AGAP1: variants seen among roughly 807,000 people sequenced by gnomAD.
AGAP1 encodes the protein arf-GAP with GTPase, ANK repeat and PH domain-containing protein 1.
A neutral mutation model predicts 105.3 loss-of-function variants in AGAP1; 29 were observed. The observed-to-expected ratio is 0.28, with a 90% confidence interval of 0.21 to 0.38. The LOEUF is 0.38. Among genes scored for constraint, AGAP1 ranks in the 10% least tolerant of loss-of-function variants. The pLI, the probability that AGAP1 is intolerant of heterozygous loss-of-function variation, is 1.00. For synonymous variants in AGAP1, 509 were observed against 485.9 expected, an observed-to-expected ratio of 1.05 and a Z score of -0.63; for missense variants, 998 against 1,165.1, an observed-to-expected ratio of 0.86 and a Z score of 2.09.
At chr2:236,108,917 G>A (rs1392243768) in intron 16 of AGAP1, among the ~76,000 whole-genome samples, 1 of 152,164 alleles carries the variant, frequency 6.6e-6, no homozygotes, top group East Asian at 1.9e-4. Flanking sequence ...CAGAAGCTTT[G>A]TGGTTATTTG....
In AGAP1 at chr2:235,659,551, C is replaced by T. The variant is rs1193172403; in HGVS notation, c.164-49628C>T. On this transcript the variant is annotated intron_variant, in intron 1 of 17. Coordinates refer to ENST00000304032, the MANE Select transcript of AGAP1 (RefSeq NM_001037131.3). This position sits in a 1 kb window ranked among gnomAD's most constrained non-coding sequence, Gnocchi z 5.0. ...GGGTCACTTGCCAGGCGTCAGTGCC[C>T]TGCTCGGGGTCCCTTTGCAGCTCCC... Among the ~76,000 whole-genome samples the T allele has an allele frequency of 6.6e-6, 1 of 152,198 alleles. No homozygotes were observed. Among genetic ancestry groups the T allele is most frequent in the East Asian group, 1.9e-4 (1 of 5,178 alleles).
At chr2:235,785,690 G>A (rs74318582) in intron 6 of AGAP1, among the ~76,000 whole-genome samples, 3,151 of 152,046 alleles carry the variant, frequency 0.021, 104 homozygotes, top group African/African-American at 0.072. Context: ...GGAATAATTT[G>A]GCATAATCAG....
chr2:235,840,018 C>T (rs1235771144), intron 9 of AGAP1, among the ~76,000 whole-genome samples: 1 of 152,136 alleles, frequency 6.6e-6, no homozygotes, highest in Admixed American at 6.5e-5. Flanking sequence ...AATAATTTTC[C>T]ATCTAAGAGT....
Position 235,787,444 on chromosome 2 carries a change from G to T in AGAP1, c.674-10315G>T, listed in dbSNP as rs1455321430. Among the ~76,000 whole-genome samples, 1 of 152,104 alleles carries T rather than the reference G, an allele frequency of 6.6e-6. No individual in the cohort carries two copies. Among genetic ancestry groups the T allele is most frequent in the Non-Finnish European group, 1.5e-5 (1 of 68,034 alleles). On this transcript the variant is annotated intron_variant, in intron 6 of 17. Transcript: ENST00000304032. This position sits in a 1 kb window ranked among gnomAD's most constrained non-coding sequence, Gnocchi z 4.4. ...TCATAGACACACGCCTCTCTTTATA[G>T]CACTTTCTATATCCCACATGCTGCC...
chr2:236,075,610 C>A (rs1243045764), intron 16 of AGAP1, among the ~76,000 whole-genome samples: 1 of 152,098 alleles, frequency 6.6e-6, no homozygotes, highest in Non-Finnish European at 1.5e-5. Context: ...AGCCGACATG[C>A]CCCTCAGTGG....
chr2:236,103,433 CG>C (rs1388106615), intron 16 of AGAP1, among the ~76,000 whole-genome samples: 3 of 152,234 alleles, frequency 2.0e-5, no homozygotes, highest in African/African-American at 7.2e-5. Flanking sequence ...GGCCACTCCC[CG>C]CCCCCCACCT....
chr2:236,008,457 A>G (rs1264146742), intron 13 of AGAP1, among the ~76,000 whole-genome samples: 1 of 152,248 alleles, frequency 6.6e-6, no homozygotes, highest in African/African-American at 2.4e-5. Flanking sequence ...TCTACATTAG[A>G]AATTTATCAT....
intron 16 of AGAP1, among the ~76,000 whole-genome samples, chr2:236,085,772 A>G (rs990007075): frequency 1.6e-4 from 24 of 152,252 alleles, no homozygotes; most frequent in Non-Finnish European, 2.9e-5. Context: ...TTCCAGGCCA[A>G]GGAGCTGCCT....
chr2:236,058,894 G>A lies in AGAP1; in HGVS notation c.2114+9613G>A, dbSNP rs889792305. ...TGTGCAAAACTCTTAGCTGGCCATG[G>A]TGGCACAGTTCTGTAGTCCCAGCTA... On this transcript the variant is annotated intron_variant, in intron 16 of 17. Transcript: ENST00000304032. This position sits in a 1 kb window ranked among gnomAD's most constrained non-coding sequence, Gnocchi z 4.6. Among the ~76,000 whole-genome samples, 1 of 152,164 alleles carries A rather than the reference G, an allele frequency of 6.6e-6. No individual in the cohort carries two copies. Among genetic ancestry groups the A allele is most frequent in the Non-Finnish European group, 1.5e-5 (1 of 68,042 alleles).
At chr2:236,079,946 T>A (rs1530932) in intron 16 of AGAP1, among the ~76,000 whole-genome samples, 15,349 of 152,242 alleles carry the variant, frequency 0.1, 1,203 homozygotes, top group African/African-American at 0.21. Flanking sequence ...GATATGAGAC[T>A]TCAGGGTCAG....
At chr2:236,049,458 A>G in intron 16 of AGAP1, 177 bp downstream of exon 16, 1 of 574,076 alleles carries the variant, frequency 1.7e-6, no homozygotes, top group Non-Finnish European at 3.1e-6. Flanking sequence ...GCAGACGTGG[A>G]TAATTCACAC....
intron 16 of AGAP1, among the ~76,000 whole-genome samples, chr2:236,063,471 G>A (rs1391821599): frequency 6.6e-6 from 1 of 152,238 alleles, no homozygotes; most frequent in Non-Finnish European, 1.5e-5. Flanking sequence ...GGGCCATTGG[G>A]AGGATGATGA....
intron 3 of AGAP1, among the ~76,000 whole-genome samples, chr2:235,731,673 A>G (rs1045638510): frequency 6.6e-6 from 1 of 152,168 alleles, no homozygotes; most frequent in South Asian, 2.1e-4. Context: ...GTAATGTAGC[A>G]GTCATTCGTT....
At position 236,009,889 on chromosome 2, in the gene AGAP1, A is replaced by G. The variant is rs11890052; in HGVS notation, c.1646-26672A>G. On this transcript the variant is annotated intron_variant, in intron 13 of 17. Transcript: ENST00000304032. The surrounding 1 kb of genome is among the most constrained non-coding windows in gnomAD (Gnocchi z 4.2). ...TGAGGAATATTTATCTGATCAACAA[A>G]GAGTGTTGTCAGGAGGAGACCAGAG... is the stretch of plus-strand genomic sequence containing the variant. Among the ~76,000 whole-genome samples the G allele has an allele frequency of 0.62, 94,668 of 151,482 alleles. 30,310 individuals carry two copies. Among genetic ancestry groups the G allele is most frequent in the South Asian group, 0.81 (3,886 of 4,810 alleles).
rs918637486 is a variant in AGAP1, at chr2:235,608,430, C to A, written c.164-100749C>A. Among the ~76,000 whole-genome samples the A allele has an allele frequency of 5.3e-5, 8 of 152,164 alleles. No individual in the cohort carries two copies. Among genetic ancestry groups the A allele is most frequent in the African/African-American group, 1.9e-4 (8 of 41,432 alleles). ...ATGGGGCCTTCAGGAGGTGGAGCCG[C>A]CCCAGGCCATGGAGACCTGGAGATG... On this transcript the variant is annotated intron_variant, in intron 1 of 17. Coordinates refer to ENST00000304032, the MANE Select transcript of AGAP1 (RefSeq NM_001037131.3). This position sits in a 1 kb window ranked among gnomAD's most constrained non-coding sequence, Gnocchi z 5.4.
chr2:235,741,501 C>T lies in AGAP1; in HGVS notation c.396+453C>T, dbSNP rs1263340436. On this transcript the variant is annotated intron_variant, in intron 4 of 17. Coordinates refer to ENST00000304032, the MANE Select transcript of AGAP1 (RefSeq NM_001037131.3). This position sits in a 1 kb window ranked among gnomAD's most constrained non-coding sequence, Gnocchi z 4.9. ...ACTACAGGCATTGGCCCCTCTGTGC[C>T]GCCCTGGCCTTGGCCCAAGCAAGGC... 6.6e-6 allele frequency among the ~76,000 whole-genome samples: 1 copy of T among 152,184 alleles called. No individual in the cohort carries two copies. Among genetic ancestry groups the T allele is most frequent in the Admixed American group, 6.5e-5 (1 of 15,288 alleles).
intron 16 of AGAP1, among the ~76,000 whole-genome samples, chr2:236,060,700 A>C (rs2058167421): frequency 6.6e-6 from 1 of 152,036 alleles, no homozygotes; most frequent in Non-Finnish European, 1.5e-5. Context: ...ATCTCAAAAA[A>C]ATAAAAATTT....
chr2:236,036,545 A>G lies in AGAP1; in HGVS notation c.1646-16A>G, dbSNP rs778906054. 1 of 1,613,404 alleles carries G rather than the reference A, an allele frequency of 6.2e-7. No individual in the cohort carries two copies. Among genetic ancestry groups the G allele is most frequent in the Non-Finnish European group, 8.5e-7 (1 of 1,179,564 alleles). Reference sequence around the variant, plus strand: ...TCATAAAAGCTAAACTCTTCATCCCACACTCTGTGTTTCAGAACAAGAAGA... The same window carrying G: ...TCATAAAAGCTAAACTCTTCATCCCGCACTCTGTGTTTCAGAACAAGAAGA... On this transcript the variant is annotated splice_polypyrimidine_tract_variant and intron_variant, in intron 13 of 17. Transcript: ENST00000304032. This position sits in a 1 kb window ranked among gnomAD's most constrained non-coding sequence, Gnocchi z 5.7.
At chr2:235,711,390 C>T (rs141261740) in intron 2 of AGAP1, among the ~76,000 whole-genome samples, 2 of 152,336 alleles carry the variant, frequency 1.3e-5, no homozygotes, top group Non-Finnish European at 2.9e-5. Flanking sequence ...ATCGAGGATG[C>T]TTACCACCAA....
Sources: gnomAD v4.1 joint callset for allele counts (sites outside exome capture counted in the v4.1 genomes callset) on GRCh38, gnomAD v4.1.1 for gene constraint, Gnocchi (gnomAD v3.1) non-coding constraint, MANE v1.5 for transcripts, NCBI Gene and HGNC (gene_info 2026-07-23, HGNC 2026-07-21) for gene names.